PLXDC2: variants seen among roughly 807,000 people sequenced by gnomAD.
PLXDC2 encodes plexin domain-containing protein 2.
In PLXDC2, 40 loss-of-function variants were observed where a neutral mutation model predicts 68.9. That is an observed-to-expected ratio of 0.58 (90% confidence interval 0.45 to 0.76). PLXDC2 has a LOEUF of 0.76. Ranked by LOEUF, PLXDC2 falls within the 30% of genes least tolerant of loss-of-function variation. PLXDC2 has a pLI of 0.00. For synonymous variants in PLXDC2, 243 were observed against 234.2 expected (o/e 1.04, Z -0.34); for missense variants, 644 against 661.9 (o/e 0.97, Z 0.30).
chr10:20,034,566 A>C (rs971688687), intron 2 of PLXDC2, among the ~76,000 whole-genome samples: 2 of 152,214 alleles, frequency 1.3e-5, no homozygotes, highest in Non-Finnish European at 2.9e-5. Flanking sequence ...CAAAGGCTAC[A>C]GAACATTGCT....
intron 2 of PLXDC2, among the ~76,000 whole-genome samples, chr10:20,004,554 A>G (rs1446717138): frequency 6.6e-6 from 1 of 152,108 alleles, no homozygotes; most frequent in Non-Finnish European, 1.5e-5. Context: ...GGAAAAACAC[A>G]TCCCTATTCG....
intron 4 of PLXDC2, among the ~76,000 whole-genome samples, chr10:20,142,307 T>C (rs1181571498): frequency 6.6e-6 from 1 of 152,072 alleles, no homozygotes; most frequent in African/African-American, 2.4e-5. Flanking sequence ...TACAATTGCA[T>C]TGTCACAAAT....
intron 4 of PLXDC2, among the ~76,000 whole-genome samples, chr10:20,086,108 G>C (rs182024994): frequency 6.6e-6 from 1 of 152,090 alleles, no homozygotes; most frequent in Admixed American, 6.5e-5. Context: ...TTTTTCTTTG[G>C]GGACACATAC....
At chr10:20,041,837 G>A (rs910801560) in intron 2 of PLXDC2, among the ~76,000 whole-genome samples, 6 of 152,108 alleles carry the variant, frequency 3.9e-5, no homozygotes, top group African/African-American at 1.2e-4. Context: ...ATCCTCACAT[G>A]AGAGAAAAAG....
intron 13 of PLXDC2, among the ~76,000 whole-genome samples, chr10:20,263,724 C>T (rs549864914): frequency 1.1e-4 from 16 of 152,162 alleles, no homozygotes; most frequent in African/African-American, 3.1e-4. Context: ...AAAAAAGCTG[C>T]GTATCACTGA....
chr10:19,952,571 A>G (rs58744549), intron 1 of PLXDC2, among the ~76,000 whole-genome samples: 3,838 of 152,338 alleles, frequency 0.025, 164 homozygotes, highest in African/African-American at 0.087. Flanking sequence ...TTAGCAGTCA[A>G]AAACCCCAGA....
chr10:20,245,806 A>G (rs535053445), intron 13 of PLXDC2, among the ~76,000 whole-genome samples: 4 of 152,288 alleles, frequency 2.6e-5, no homozygotes, highest in African/African-American at 7.2e-5. Context: ...AAGTATGTTA[A>G]CCAGCTGTTC....
At chr10:20,277,035 C>A (rs893517731) in intron 13 of PLXDC2, among the ~76,000 whole-genome samples, 20 of 151,900 alleles carry the variant, frequency 1.3e-4, no homozygotes, top group African/African-American at 4.8e-4. Flanking sequence ...GATGGTGAAA[C>A]CCGTCTCTAC....
In PLXDC2 at chr10:20,066,782, G is replaced by T. The variant is rs184112414; in HGVS notation, c.472-1388G>T. ...GATGGCTATAAAAAAGCAATTATTT[G>T]CAAAATGGGAAAAAGCTAAATTCAA... On this transcript the variant is annotated intron_variant, in intron 3 of 13. Transcript: ENST00000377252. 3.3e-5 allele frequency among the ~76,000 whole-genome samples: 5 copies of T among 152,204 alleles called. No homozygotes were observed. In the East Asian group the frequency reaches 9.6e-4, roughly 29 times the overall value.
intron 1 of PLXDC2, among the ~76,000 whole-genome samples, chr10:19,994,841 C>T (rs1372235117): frequency 6.6e-6 from 1 of 151,794 alleles, no homozygotes; most frequent in African/African-American, 2.4e-5. Flanking sequence ...TTCCCGTGTT[C>T]GAGTAATTCT....
chr10:20,265,910 C>T (rs11011921), intron 13 of PLXDC2, among the ~76,000 whole-genome samples: 1 of 152,098 alleles, frequency 6.6e-6, no homozygotes, highest in African/African-American at 2.4e-5. Context: ...TCTTTCCTGC[C>T]CCACCAACGG....
chr10:19,848,608 C>A (rs2131324153), intron 1 of PLXDC2, among the ~76,000 whole-genome samples: 1 of 152,276 alleles, frequency 6.6e-6, no homozygotes, highest in African/African-American at 2.4e-5. Flanking sequence ...ACCAAAAGTA[C>A]CAAAAGAAGA....
chr10:19,891,278 A>G (rs947786163), intron 1 of PLXDC2, among the ~76,000 whole-genome samples: 1 of 151,978 alleles, frequency 6.6e-6, no homozygotes, highest in African/African-American at 2.4e-5. Flanking sequence ...TTTGTGTGTC[A>G]CTCCATGTGG....
At position 20,286,443 on chromosome 10, in the gene PLXDC2, T is replaced by G. The variant is rs1164214766; in HGVS notation, c.*6624T>G. ...CTGGTTGAAAAAAATCTCAGTGGCTTCTCTTCATTCCACGAGAATTTTGAT... is the reference window on the plus strand; with the variant it reads ...CTGGTTGAAAAAAATCTCAGTGGCTGCTCTTCATTCCACGAGAATTTTGAT... On this transcript the variant is annotated 3_prime_UTR_variant, in exon 14 of 14. Transcript: ENST00000377252. 2.0e-5 allele frequency: 3 copies of G among 152,310 alleles called. No homozygotes were observed. The highest frequency in any genetic ancestry group is 2.0e-4 in the Admixed American group (3 of 15,296). The allele number at this position is 152,310 out of a possible 1,614,324, so 9.4% of individuals were successfully genotyped here. A position where few individuals can be genotyped will look rare whatever the true frequency, so the allele number is the denominator to read the frequency against.
chr10:20,063,193 G>A (rs1380013040), intron 3 of PLXDC2, among the ~76,000 whole-genome samples: 1 of 152,074 alleles, frequency 6.6e-6, no homozygotes, highest in African/African-American at 2.4e-5. Context: ...GATGCTCATT[G>A]TATTCTTTTG....
intron 13 of PLXDC2, among the ~76,000 whole-genome samples, chr10:20,254,083 C>A (rs114077262): frequency 0.015 from 2,221 of 152,228 alleles, 49 homozygotes; most frequent in African/African-American, 0.049. Context: ...GAATTCCTCA[C>A]CCCGGCCCTA....
At chr10:20,041,608 G>A (rs141001448) in intron 2 of PLXDC2, among the ~76,000 whole-genome samples, 30 of 152,184 alleles carry the variant, frequency 2.0e-4, no homozygotes, top group East Asian at 1.9e-3. Context: ...CAACAACTAC[G>A]TATGCACCTG....
intron 1 of PLXDC2, among the ~76,000 whole-genome samples, chr10:19,865,805 C>G (rs1837403185): frequency 6.6e-6 from 1 of 152,166 alleles, no homozygotes; most frequent in Admixed American, 6.6e-5. Context: ...TGTAAGCTCT[C>G]TTTCTGGAAA....
chr10:19,989,457 G>A (rs1208033703), intron 1 of PLXDC2, among the ~76,000 whole-genome samples: 2 of 152,000 alleles, frequency 1.3e-5, no homozygotes, highest in Non-Finnish European at 2.9e-5. Flanking sequence ...ATAATATATA[G>A]CCAATAACAT....
Sources: allele counts gnomAD v4.1 joint callset (sites outside exome capture counted in the v4.1 genomes callset), GRCh38; gene constraint gnomAD v4.1.1; transcripts MANE v1.5; gene names NCBI Gene and HGNC (gene_info 2026-07-23, HGNC 2026-07-21).